The following DOCK3 variants were observed in gnomAD, a reference collection of about 807,000 sequenced individuals.
The protein encoded by DOCK3 is dedicator of cytokinesis protein 3.
A neutral mutation model predicts 265.6 loss-of-function variants in DOCK3; 60 were observed. That is an observed-to-expected ratio of 0.23 (90% CI 0.18 to 0.28). DOCK3 has a LOEUF of 0.28. DOCK3 is among the 10% of genes least tolerant of loss of function. DOCK3 has a pLI of 1.00. For missense variants in DOCK3, 1,981 were observed against 2,594.3 expected (o/e 0.76, Z 5.14); for synonymous variants, 881 against 938.0 (o/e 0.94, Z 1.11).
At chr3:50,733,533 T>G (rs1032977155) in intron 1 of DOCK3, among the ~76,000 whole-genome samples, 1 of 152,258 alleles carries the variant, frequency 6.6e-6, no homozygotes, top group South Asian at 2.1e-4. Flanking sequence ...GATACAAGTA[T>G]AGCTACTCTT....
chr3:51,200,331 G>A (rs1378910704), intron 12 of DOCK3, among the ~76,000 whole-genome samples: 1 of 151,444 alleles, frequency 6.6e-6, no homozygotes, highest in African/African-American at 2.4e-5. Flanking sequence ...ACAGAGAAGT[G>A]CTTAAGGAGC....
chr3:51,288,764 TGA>T (rs1380016881), intron 27 of DOCK3, among the ~76,000 whole-genome samples: 3 of 152,112 alleles, frequency 2.0e-5, no homozygotes, highest in African/African-American at 7.2e-5. Flanking sequence ...AGAAAGAAAC[TGA>T]GAGCTTGAAA....
chr3:51,245,145 A>G (rs1227117330), intron 21 of DOCK3, among the ~76,000 whole-genome samples: 2 of 152,068 alleles, frequency 1.3e-5, no homozygotes, highest in East Asian at 1.9e-4. Flanking sequence ...CCTGGCCAAC[A>G]TGGTGAAATC....
chr3:51,095,362 C>CA (rs1253250176), intron 9 of DOCK3, among the ~76,000 whole-genome samples: 1 of 152,144 alleles, frequency 6.6e-6, no homozygotes, highest in Non-Finnish European at 1.5e-5. Flanking sequence ...TTGGTGGTGA[C>CA]AAAATCTCTC....
chr3:51,324,242 T>C (rs1256849044), intron 32 of DOCK3, among the ~76,000 whole-genome samples: 4 of 152,170 alleles, frequency 2.6e-5, no homozygotes, highest in African/African-American at 7.2e-5. Flanking sequence ...AGATAAAAAA[T>C]CAATGTGCAA....
intron 4 of DOCK3, among the ~76,000 whole-genome samples, chr3:50,916,167 T>G (rs1460566566): frequency 6.6e-6 from 1 of 152,078 alleles, no homozygotes; most frequent in East Asian, 1.9e-4. Flanking sequence ...CTCCCTCAGC[T>G]GGGTTTAAGT....
chr3:51,094,352 T>C (rs2082744450), intron 9 of DOCK3, among the ~76,000 whole-genome samples: 1 of 152,164 alleles, frequency 6.6e-6, no homozygotes, highest in Non-Finnish European at 1.5e-5. Flanking sequence ...TCAGAACTTG[T>C]TGTTGGTCTG....
intron 9 of DOCK3, among the ~76,000 whole-genome samples, chr3:51,137,764 G>C (rs1180272472): frequency 6.6e-6 from 1 of 152,134 alleles, no homozygotes; most frequent in Non-Finnish European, 1.5e-5. Context: ...ACAACTAAAG[G>C]TAGAGTAGTT....
At chr3:51,158,247 A>G (rs976507610) in intron 10 of DOCK3, among the ~76,000 whole-genome samples, 6 of 152,198 alleles carry the variant, frequency 3.9e-5, no homozygotes. Context: ...TTCTAAACAC[A>G]AATAGAATGA....
chr3:51,199,906 T>C (rs1465846731), intron 12 of DOCK3, among the ~76,000 whole-genome samples: 1 of 152,186 alleles, frequency 6.6e-6, no homozygotes, highest in Non-Finnish European at 1.5e-5. Context: ...ACACCGCTGC[T>C]GATACCCAGG....
intron 1 of DOCK3, among the ~76,000 whole-genome samples, chr3:50,707,947 C>T (rs530821837): frequency 3.2e-4 from 49 of 152,136 alleles, no homozygotes; most frequent in Non-Finnish European, 5.7e-4. Context: ...CCCTAGGCCC[C>T]CATGAGGTGC....
At chr3:51,274,557 C>T (rs76073104) in intron 24 of DOCK3, among the ~76,000 whole-genome samples, 1 of 152,058 alleles carries the variant, frequency 6.6e-6, no homozygotes, top group Non-Finnish European at 1.5e-5. Context: ...GAGGGAGGAT[C>T]GCTTGAGCCC....
At chr3:51,292,973 A>G (rs1283195132) in intron 27 of DOCK3, among the ~76,000 whole-genome samples, 1 of 152,218 alleles carries the variant, frequency 6.6e-6, no homozygotes, top group Non-Finnish European at 1.5e-5. Context: ...AGGAAATTAA[A>G]GATTATGCAA....
At chr3:50,961,947 T>G (rs1403237312) in intron 5 of DOCK3, among the ~76,000 whole-genome samples, 2 of 152,228 alleles carry the variant, frequency 1.3e-5, no homozygotes, top group Non-Finnish European at 2.9e-5. Flanking sequence ...CTTGTTTAGT[T>G]CGTAGTACAC....
chr3:51,360,736 A>C (rs2086673857), intron 47 of DOCK3, 104 bp downstream of exon 47: 1 of 1,472,528 alleles, frequency 6.8e-7, no homozygotes. Flanking sequence ...CCTCTTACCC[A>C]TGCACACAGC....
chr3:51,299,282 G>C (rs1021007884), intron 27 of DOCK3, among the ~76,000 whole-genome samples: 3 of 151,240 alleles, frequency 2.0e-5, no homozygotes, highest in Non-Finnish European at 3.0e-5. Flanking sequence ...TTTCTTGTAA[G>C]TTTGTTTAAG....
intron 7 of DOCK3, among the ~76,000 whole-genome samples, chr3:51,077,017 A>G (rs1257808088): frequency 6.6e-6 from 1 of 152,178 alleles, no homozygotes; most frequent in Non-Finnish European, 1.5e-5. Flanking sequence ...TGACATAAGC[A>G]GATACTGGTT....
intron 5 of DOCK3, among the ~76,000 whole-genome samples, chr3:51,041,175 T>C (rs2080473928): frequency 9.0e-5 from 1 of 11,124 alleles, no homozygotes; most frequent in Non-Finnish European, 2.1e-4. Flanking sequence ...TATATATATA[T>C]ATATATATAT....
At chr3:51,102,980 A>G (rs1403686839) in intron 9 of DOCK3, among the ~76,000 whole-genome samples, 9 of 152,148 alleles carry the variant, frequency 5.9e-5, no homozygotes, top group Non-Finnish European at 1.2e-4. Flanking sequence ...CCAGTTGTTT[A>G]CCTTGAACTC....
Sources: gnomAD v4.1 joint callset for allele counts (sites outside exome capture counted in the v4.1 genomes callset) on GRCh38, gnomAD v4.1.1 for gene constraint, MANE v1.5 for transcripts, NCBI Gene and HGNC (gene_info 2026-07-23, HGNC 2026-07-21) for gene names.